Variants in MRNIP observed in about 807,000 individuals in gnomAD.
MRNIP encodes MRN complex-interacting protein.
Under a neutral mutation model 29.8 loss-of-function variants are expected in MRNIP, and 30 were observed. The observed-to-expected ratio is 1.01, with a 90% CI of 0.75 to 1.36. The LOEUF (loss-of-function observed/expected upper bound fraction) is 1.36, where lower values mean the gene tolerates loss of function less well. MRNIP is among the 40% of genes most tolerant of loss of function. The probability of loss-of-function intolerance (pLI) is 0.00; values close to 1 mark genes in which losing one functional copy is unlikely to be tolerated. For synonymous variants in MRNIP, 201 were observed against 164.1 expected (o/e 1.23, Z -1.72); for missense variants, 459 against 423.5 (o/e 1.08, Z -0.74).
Position 179,837,862 on chromosome 5 carries a change from C to A in MRNIP, c.561G>T (p.Lys187Asn). ...PQKGQAGLTW[K>N]VKQGSSPCLQ... ...GGCAGGGGCTGCTGCCTTGTTTCAC[C>A]TTCCATGTCAGGCCAGCCTGTCCCT... The change falls in exon 7 of 7, where the codon AAG (lysine) becomes AAT (asparagine). Residue 187 changes from lysine (K) to asparagine (N), a missense_variant. Physicochemically the swap from Lys to Asn is moderately conservative, Grantham distance 94 (BLOSUM62 0). Transcript: ENST00000292586. 1 of 1,608,314 alleles carries A rather than the reference C, an allele frequency of 6.2e-7. No homozygotes were observed. Among genetic ancestry groups the A allele is most frequent in the Non-Finnish European group, 8.5e-7 (1 of 1,179,682 alleles).
At chr5:179,855,641 G>A (rs1044415603) in intron 1 of MRNIP, among the ~76,000 whole-genome samples, 1 of 152,114 alleles carries the variant, frequency 6.6e-6, no homozygotes, top group Admixed American at 6.6e-5. Flanking sequence ...GGGATACCAA[G>A]GTTACTTGAA....
At chr5:179,842,150 G>T in intron 4 of MRNIP, 86 bp from the exon 5 acceptor site, 2 of 1,337,116 alleles carry the variant, frequency 1.5e-6, no homozygotes, top group Non-Finnish European at 2.1e-6. Flanking sequence ...TTGGGCCTGA[G>T]GATCTCAGGA....
In MRNIP at chr5:179,851,789, T is replaced by C. The variant is rs563235466; in HGVS notation, c.126+1589A>G. Among the ~76,000 whole-genome samples, 27 of 152,016 alleles carry C rather than the reference T, an allele frequency of 1.8e-4. 1 individual carries two copies. The South Asian group carries it at 3.1e-3, about 18-fold the overall frequency. ...GTCAGGAGATTGACACCATCCTGGCTAACATGGTGAAACCCCATCTCTACT... is the reference window on the plus strand; with the variant it reads ...GTCAGGAGATTGACACCATCCTGGCCAACATGGTGAAACCCCATCTCTACT... On this transcript the variant is annotated intron_variant, in intron 2 of 6. Transcript: ENST00000292586.
intron 3 of MRNIP, chr5:179,847,041 C>CCAGTTAAA (rs1190241511): frequency 6.6e-6 from 1 of 152,050 alleles, no homozygotes; most frequent in African/African-American, 2.4e-5. Flanking sequence ...TTTTTTTAAG[C>CCAGTTAAA]CAGTTAAACT....
intron 3 of MRNIP, chr5:179,845,766 G>A (rs1266118763): frequency 6.6e-6 from 1 of 152,114 alleles, no homozygotes; most frequent in Non-Finnish European, 1.5e-5. Flanking sequence ...AAAGTGCTGG[G>A]ATTATAGGTG....
At chr5:179,855,990 C>A (rs10069530) in intron 1 of MRNIP, among the ~76,000 whole-genome samples, 4,861 of 147,846 alleles carry the variant, frequency 0.033, 260 homozygotes, top group African/African-American at 0.12. Context: ...CTCACTGCAA[C>A]CTCTGCCTCC....
At chr5:179,840,772 G>A (rs760054968) in intron 6 of MRNIP, 100 bp downstream of exon 6, 29 of 896,670 alleles carry the variant, frequency 3.2e-5, no homozygotes, top group South Asian at 7.2e-5. Context: ...GGCTTTCTGC[G>A]GGTAGGAATC....
Position 179,847,161 on chromosome 5 carries a change from C to CTTTTTTTTT in MRNIP, c.215+808_215+816dup, listed in dbSNP as rs34335237. On this transcript the variant is annotated intron_variant, in intron 3 of 6. Coordinates refer to ENST00000292586, the MANE Select transcript of MRNIP (RefSeq NM_016175.4). ...ATTTTTGACCTCTGAGAGTTACTTA[C>CTTTTTTTTT]TTTTTTTTTTTTTTTTTTTTTTTTT... 2 of 71,012 alleles carry CTTTTTTTTT rather than the reference C, an allele frequency of 2.8e-5. 1 individual carries two copies. The highest frequency in any genetic ancestry group is 5.3e-5 in the Non-Finnish European group (2 of 37,520). The allele number at this position is 71,012 out of a possible 1,614,324, so 4.4% of individuals were successfully genotyped here. A position where few individuals can be genotyped will look rare whatever the true frequency, so the allele number is the denominator to read the frequency against.
chr5:179,849,270 G>A (rs1759256334), intron 2 of MRNIP, among the ~76,000 whole-genome samples: 1 of 148,518 alleles, frequency 6.7e-6, no homozygotes, highest in Non-Finnish European at 1.5e-5. Context: ...GAGAGTACGG[G>A]TCCTGCTATG....
At chr5:179,842,167 T>C in intron 4 of MRNIP, 103 bp from the exon 5 acceptor site, 1 of 1,153,068 alleles carries the variant, frequency 8.7e-7, no homozygotes, top group Admixed American at 2.1e-5. Context: ...AGGAGTCATG[T>C]CCAGCTCCAC....
intron 5 of MRNIP, 42 bp from the exon 6 acceptor site, chr5:179,841,001 G>A: frequency 7.0e-7 from 1 of 1,421,632 alleles, no homozygotes; most frequent in Non-Finnish European, 9.7e-7. Flanking sequence ...CTACTCTCCA[G>A]TGGCACCCCG....
chr5:179,858,640 G>A (rs1759705346), intron 1 of MRNIP, 91 bp downstream of exon 1: 2 of 838,348 alleles, frequency 2.4e-6, no homozygotes, highest in Admixed American at 5.5e-5. Context: ...GGTGCATCCC[G>A]GAGCCATTCG....
At chr5:179,847,909 G>A in intron 3 of MRNIP, 69 bp downstream of exon 3, 3 of 1,055,342 alleles carry the variant, frequency 2.8e-6, no homozygotes, top group Non-Finnish European at 4.3e-6. Flanking sequence ...GATTTCCACT[G>A]TGTACTTCTA....
Position 179,837,905 on chromosome 5 carries a change from T to G in MRNIP, c.538-20A>C. 1.3e-6 allele frequency: 2 copies of G among 1,595,110 alleles called. No individual in the cohort carries two copies. Among genetic ancestry groups the G allele is most frequent in the South Asian group, 1.1e-5 (1 of 90,732 alleles). On this transcript the variant is annotated intron_variant, in intron 6 of 6. Coordinates refer to ENST00000292586, the MANE Select transcript of MRNIP (RefSeq NM_016175.4). ...CTGTCCCTGAAAGAGAAGATGGCCA[T>G]GCCCTCCATGTGTAAGAACAATGCC... is the stretch of plus-strand genomic sequence containing the variant.
At chr5:179,842,893 C>T (rs561155070) in intron 4 of MRNIP, among the ~76,000 whole-genome samples, 9 of 151,436 alleles carry the variant, frequency 5.9e-5, no homozygotes, top group Middle Eastern at 3.4e-3. Flanking sequence ...ATTAGCCGGG[C>T]GTGGTGGTGC....
At chr5:179,843,055 A>AAGGGAGGG (rs1491471128) in intron 4 of MRNIP, among the ~76,000 whole-genome samples, 2 of 121,596 alleles carry the variant, frequency 1.6e-5, no homozygotes, top group Admixed American at 8.2e-5. Flanking sequence ...GGAAGGAAGG[A>AAGGGAGGG]AGGAAGGGAG....
At chr5:179,844,587 CTTTT>C (rs201947842) in intron 3 of MRNIP, among the ~76,000 whole-genome samples, 1 of 151,298 alleles carries the variant, frequency 6.6e-6, no homozygotes, top group Non-Finnish European at 1.5e-5. Context: ...TACGCCTGCC[CTTTT>C]TTTTTCTTCT....
chr5:179,856,715 T>C (rs1554094318), intron 1 of MRNIP, among the ~76,000 whole-genome samples: 1 of 152,204 alleles, frequency 6.6e-6, no homozygotes. Context: ...TCAAGTGATC[T>C]GCCCTAGTGG....
At chr5:179,851,487 G>A (rs1338355710) in intron 2 of MRNIP, 1 of 446,398 alleles carries the variant, frequency 2.2e-6, no homozygotes, top group Non-Finnish European at 4.6e-6. Flanking sequence ...GAGAAGCTGG[G>A]TGATGGGCAG....
Sources: gnomAD v4.1 joint callset for allele counts (sites outside exome capture counted in the v4.1 genomes callset) on GRCh38, gnomAD v4.1.1 for gene constraint, MANE v1.5 for transcripts, NCBI Gene and HGNC (gene_info 2026-07-23, HGNC 2026-07-21) for gene names.